The following PTPRD variants were observed in gnomAD, a reference collection of about 807,000 sequenced individuals.
The protein encoded by PTPRD is receptor-type tyrosine-protein phosphatase delta.
A neutral mutation model predicts 214.5 loss-of-function variants in PTPRD; 34 were observed. The observed-to-expected ratio is 0.16, with a 90% CI of 0.12 to 0.21. The LOEUF is 0.21. PTPRD is among the 10% of genes least tolerant of loss of function. PTPRD has a pLI of 1.00. For missense variants in PTPRD, 2,545 were observed against 2,398.7 expected (o/e 1.06, Z -1.27); for synonymous variants, 1,128 against 845.7 (o/e 1.33, Z -5.79).
At chr9:9,063,820 G>C (rs1020626260) in intron 10 of PTPRD, among the ~76,000 whole-genome samples, 1 of 152,156 alleles carries the variant, frequency 6.6e-6, no homozygotes, top group African/African-American at 2.4e-5. Context: ...AAAGTATCCG[G>C]CAGTTTTCCC....
chr9:10,097,244 C>A (rs1412981647), intron 3 of PTPRD, among the ~76,000 whole-genome samples: 1 of 148,372 alleles, frequency 6.7e-6, no homozygotes, highest in East Asian at 2.0e-4. Context: ...TCCATATGAA[C>A]TTTAAAGTAG....
At chr9:10,239,677 T>A (rs2099640775) in intron 3 of PTPRD, among the ~76,000 whole-genome samples, 1 of 148,134 alleles carries the variant, frequency 6.8e-6, no homozygotes, top group Non-Finnish European at 1.5e-5. Flanking sequence ...TGTGACACTA[T>A]AGGAAATATG....
chr9:8,324,182 G>C (rs1401465532), intron 44 of PTPRD, among the ~76,000 whole-genome samples: 1 of 151,620 alleles, frequency 6.6e-6, no homozygotes. Flanking sequence ...AAATGCACCA[G>C]GGTGGTTTAC....
chr9:8,506,330 C>T (rs935554203), intron 22 of PTPRD, among the ~76,000 whole-genome samples: 4 of 152,046 alleles, frequency 2.6e-5, no homozygotes, highest in African/African-American at 9.7e-5. Context: ...CCATTAACTC[C>T]TTTTGTCCTA....
At position 10,061,627 on chromosome 9, in the gene PTPRD, C is replaced by T. The variant is rs149546299; in HGVS notation, c.-544-27837G>A. 5.3e-5 allele frequency among the ~76,000 whole-genome samples: 8 copies of T among 152,108 alleles called. No homozygotes were observed. The East Asian group carries it at 1.6e-3, about 30-fold the overall frequency. ...CCACCATGTCATTTAATAAAAGCTG[C>T]CACTATTTCTAATGCCCAAATTAGG... is the stretch of plus-strand genomic sequence containing the variant. On this transcript the variant is annotated intron_variant, in intron 3 of 45. Transcript: ENST00000381196.
chr9:8,701,882 T>C (rs376001559), intron 12 of PTPRD, among the ~76,000 whole-genome samples: 2 of 152,308 alleles, frequency 1.3e-5, no homozygotes, highest in East Asian at 3.9e-4. Flanking sequence ...TCATACTTTA[T>C]TGTAATCTTT....
chr9:10,420,323 C>G (rs2098534351), intron 2 of PTPRD, among the ~76,000 whole-genome samples: 2 of 151,820 alleles, frequency 1.3e-5, no homozygotes, highest in African/African-American at 4.8e-5. Context: ...GACATCTTTA[C>G]TAGTCTTTAG....
At chr9:10,137,701 TAAAAA>T (rs76032048) in intron 3 of PTPRD, among the ~76,000 whole-genome samples, 1 of 72,038 alleles carries the variant, frequency 1.4e-5, no homozygotes, top group African/African-American at 6.3e-5. Flanking sequence ...TAGAGTATAA[TAAAAA>T]AAAAAAAAAA....
intron 4 of PTPRD, among the ~76,000 whole-genome samples, chr9:10,015,069 C>T (rs1284972387): frequency 6.6e-6 from 1 of 152,106 alleles, no homozygotes; most frequent in African/African-American, 2.4e-5. Flanking sequence ...GTGTCTTACT[C>T]ACAGGTATGG....
chr9:9,969,640 G>C (rs2094953440), intron 4 of PTPRD, among the ~76,000 whole-genome samples: 1 of 152,156 alleles, frequency 6.6e-6, no homozygotes. Context: ...TTTTACTTTT[G>C]TGGCTCATTA....
chr9:9,240,781 T>A (rs1411580589), intron 9 of PTPRD, among the ~76,000 whole-genome samples: 1 of 152,210 alleles, frequency 6.6e-6, no homozygotes, highest in Non-Finnish European at 1.5e-5. Context: ...ATTTTGGTTA[T>A]TACATTAAAA....
At chr9:10,577,917 T>A (rs2070053767) in intron 2 of PTPRD, among the ~76,000 whole-genome samples, 1 of 5,414 alleles carries the variant, frequency 1.8e-4, no homozygotes, top group Admixed American at 9.0e-4. Context: ...GTTATTTCCT[T>A]TTTTTTTTTT....
chr9:8,791,521 G>A lies in PTPRD; in HGVS notation c.-103-57575C>T, dbSNP rs542794015. 2.0e-4 allele frequency among the ~76,000 whole-genome samples: 24 copies of A among 119,520 alleles called. No homozygotes were observed. In the South Asian group the frequency reaches 6.1e-3, roughly 30 times the overall value. 78.4% of individuals were successfully genotyped at this position (119,520 alleles called of 152,430 possible). On this transcript the variant is annotated intron_variant, in intron 11 of 45. Coordinates refer to ENST00000381196, the MANE Select transcript of PTPRD (RefSeq NM_002839.4). ...TTACAGGCATGAGCCACCATGCCCA[G>A]ACTTTTTTTTTTTTTTTTTTTTTTG...
At chr9:8,739,545 C>T (rs2091380366) in intron 11 of PTPRD, among the ~76,000 whole-genome samples, 1 of 152,158 alleles carries the variant, frequency 6.6e-6, no homozygotes, top group African/African-American at 2.4e-5. Flanking sequence ...ACTACAACTA[C>T]AGGTTTACAG....
At chr9:8,583,765 G>A (rs1035477541) in intron 14 of PTPRD, among the ~76,000 whole-genome samples, 7 of 152,184 alleles carry the variant, frequency 4.6e-5, no homozygotes, top group East Asian at 1.9e-4. Context: ...AATGTTTCAT[G>A]TCCTTATTCT....
intron 5 of PTPRD, among the ~76,000 whole-genome samples, chr9:9,917,510 ATCTTTAGAG>A (rs2081286345): frequency 6.6e-6 from 1 of 151,090 alleles, no homozygotes; most frequent in Admixed American, 6.6e-5. Context: ...ATTCTACCAT[ATCTTTAGAG>A]TTAACACCAA....
chr9:9,778,822 A>G (rs1283646248), intron 5 of PTPRD, among the ~76,000 whole-genome samples: 1 of 152,056 alleles, frequency 6.6e-6, no homozygotes, highest in African/African-American at 2.4e-5. Context: ...TTCCTACAAA[A>G]CAACCAAAGT....
chr9:8,941,172 T>A lies in PTPRD; in HGVS notation c.-104+77525A>T, dbSNP rs1019312544. 1.9e-4 allele frequency among the ~76,000 whole-genome samples: 29 copies of A among 152,098 alleles called. 1 individual carries two copies. Among genetic ancestry groups the A allele is most frequent in the Admixed American group, 1.9e-3 (29 of 15,262 alleles). On this transcript the variant is annotated intron_variant, in intron 11 of 45. Coordinates refer to ENST00000381196, the MANE Select transcript of PTPRD (RefSeq NM_002839.4). The stretch of plus-strand genomic sequence containing the variant: ...ACACATCTATTATTCTAAAATCAAG[T>A]TTAAAAAGTAAAATAAAATTTAAAA...
chr9:9,489,450 C>T (rs2095806809), intron 8 of PTPRD, among the ~76,000 whole-genome samples: 1 of 152,050 alleles, frequency 6.6e-6, no homozygotes, highest in South Asian at 2.1e-4. Context: ...GATGACACAT[C>T]TACTAAACAG....
Sources: allele counts gnomAD v4.1 joint callset (sites outside exome capture counted in the v4.1 genomes callset), GRCh38; gene constraint gnomAD v4.1.1; transcripts MANE v1.5; gene names NCBI Gene and HGNC (gene_info 2026-07-23, HGNC 2026-07-21).